Variants in ATP1A4 observed in about 807,000 individuals in gnomAD.
ATP1A4 encodes ATPase Na+/K+ transporting subunit alpha 4, also known as sodium/potassium-transporting ATPase subunit alpha-4.
Under a neutral mutation model 114.3 loss-of-function variants are expected in ATP1A4, and 90 were observed. The ratio of observed to expected loss-of-function variants is 0.79; its 90% CI spans 0.66 to 0.94. The LOEUF (loss-of-function observed/expected upper bound fraction) is 0.94, where lower values mean the gene tolerates loss of function less well. ATP1A4 is among the 40% of genes least tolerant of loss of function. ATP1A4 has a pLI of 0.00. For synonymous variants in ATP1A4, 511 were observed against 494.1 expected (o/e 1.03, Z -0.45); for missense variants, 1,222 against 1,313.6 (o/e 0.93, Z 1.08).
chr1:160,184,948 C>A lies in ATP1A4; in HGVS notation c.2970-1328C>A, dbSNP rs140532001. ...CCCACACTAAATGTCTCAGATAGAC[C>A]CCTCCTGCTCAGACAACCCCTCCCC... On this transcript the variant is annotated intron_variant, in intron 20 of 21. Coordinates refer to ENST00000368081, the MANE Select transcript of ATP1A4 (RefSeq NM_144699.4). Among the ~76,000 whole-genome samples the A allele has an allele frequency of 2.2e-3, 339 of 152,236 alleles. 2 individuals carry two copies. The highest frequency in any genetic ancestry group is 7.4e-3 in the African/African-American group (306 of 41,542).
Position 160,186,795 on chromosome 1 carries a change from G to A in ATP1A4, c.*96G>A, listed in dbSNP as rs1653910654. ...GTTTGACACAACATCTGAGACACTA[G>A]GATGAATTATCTTGGATGAGAAAGA... On this transcript the variant is annotated 3_prime_UTR_variant, in exon 22 of 22. Coordinates refer to ENST00000368081, the MANE Select transcript of ATP1A4 (RefSeq NM_144699.4). 14 of 1,327,450 alleles carry A rather than the reference G, an allele frequency of 1.1e-5. No homozygotes were observed. The East Asian group carries it at 3.2e-4, about 31-fold the overall frequency. 82.2% of individuals were successfully genotyped at this position (1,327,450 alleles called of 1,614,324 possible).
chr1:160,181,643 T>A, intron 18 of ATP1A4, 41 bp from the exon 19 acceptor site: 5 of 1,609,454 alleles, frequency 3.1e-6, no homozygotes, highest in Non-Finnish European at 4.2e-6. Flanking sequence ...GTGTACAGAA[T>A]CCCCTTCTGA....
rs531292296 is a variant in ATP1A4 at position 160,172,274 on chromosome 1, T to C, written c.1854+517T>C. ...AGGAATAGCAAAGTGCTAGAAGATGTCGTGTAAATGTGCTGCCGAGATGGG... is the reference window on the plus strand; with the variant it reads ...AGGAATAGCAAAGTGCTAGAAGATGCCGTGTAAATGTGCTGCCGAGATGGG... On this transcript the variant is annotated intron_variant, in intron 12 of 21. Coordinates refer to ENST00000368081, the MANE Select transcript of ATP1A4 (RefSeq NM_144699.4). Among the ~76,000 whole-genome samples, 6 of 152,226 alleles carry C rather than the reference T, an allele frequency of 3.9e-5. No individual in the cohort carries two copies. The East Asian group carries it at 1.2e-3, about 29-fold the overall frequency.
chr1:160,171,703 T>A lies in ATP1A4; in HGVS notation c.1800T>A (p.Pro600=). 6.2e-7 allele frequency: 1 copy of A among 1,614,142 alleles called. No homozygotes were observed. ...CFVGLISMID[P]PRAAVPDAVS... Reference sequence around the variant, plus strand: ...TGGGCCTCATATCCATGATTGACCCTCCCCGAGCTGCAGTGCCTGATGCTG... The same window carrying A: ...TGGGCCTCATATCCATGATTGACCCACCCCGAGCTGCAGTGCCTGATGCTG... The change falls in exon 12 of 22, where the codon CCT becomes CCA. Residue 600 remains proline, a synonymous_variant. Coordinates refer to ENST00000368081, the MANE Select transcript of ATP1A4 (RefSeq NM_144699.4).
At chr1:160,175,358 T>C (rs759356246) in intron 15 of ATP1A4, among the ~76,000 whole-genome samples, 3 of 152,122 alleles carry the variant, frequency 2.0e-5, no homozygotes, top group East Asian at 1.9e-4. Flanking sequence ...TACCATTTCA[T>C]TGAAACCTTG....
chr1:160,171,810 T>A, intron 12 of ATP1A4, 53 bp downstream of exon 12: 1 of 1,580,216 alleles, frequency 6.3e-7, no homozygotes, highest in South Asian at 1.1e-5. Flanking sequence ...TTGAAGCATC[T>A]ACTAGAAGGC....
intron 13 of ATP1A4, 131 bp downstream of exon 13, chr1:160,173,848 G>A: frequency 8.2e-7 from 1 of 1,220,210 alleles, no homozygotes; most frequent in Non-Finnish European, 1.1e-6. Context: ...ACACTACAAA[G>A]TAAAACATAA....
chr1:160,171,478 T>C (rs12058214), intron 11 of ATP1A4, 38 bp downstream of exon 11: 276,124 of 1,608,220 alleles, frequency 0.17, 25,469 homozygotes, highest in African/African-American at 0.36. Flanking sequence ...AAGAATGGCA[T>C]CAAAATGGTT....
rs1652657370 is a variant in ATP1A4, at chr1:160,156,241, T to C, written c.525+83T>C. 6.3e-6 allele frequency: 6 copies of C among 946,166 alleles called. No individual in the cohort carries two copies. In the Admixed American group the frequency reaches 9.1e-5, roughly 14 times the overall value. The allele number at this position is 946,166 out of a possible 1,614,324, so 58.6% of individuals were successfully genotyped here. ...AATGATGAAGTCCCGTGGAAAATTATATCCTATGATAAGTGAGCTGAGTGA... is the reference window on the plus strand; with the variant it reads ...AATGATGAAGTCCCGTGGAAAATTACATCCTATGATAAGTGAGCTGAGTGA... On this transcript the variant is annotated intron_variant, in intron 4 of 21. Coordinates refer to ENST00000368081, the MANE Select transcript of ATP1A4 (RefSeq NM_144699.4).
chr1:160,168,323 G>A (rs1653113941), intron 10 of ATP1A4, among the ~76,000 whole-genome samples: 1 of 151,174 alleles, frequency 6.6e-6, no homozygotes, highest in African/African-American at 2.4e-5. Flanking sequence ...ACATTCAGGT[G>A]TGGGTAAAAT....
Position 160,159,218 on chromosome 1 carries a change from T to C in ATP1A4, c.660+82T>C, listed in dbSNP as rs73025527. On this transcript the variant is annotated intron_variant, in intron 5 of 21. Transcript: ENST00000368081. ...GACACCTGGGCCGTTAGAGAAAGTA[T>C]AAGCTTATTACTCAGAATCTTGAGA... 11,158 of 1,527,890 alleles carry C rather than the reference T, an allele frequency of 7.3e-3. 668 individuals are homozygous for C. The African/African-American group carries it at 0.13, about 18-fold the overall frequency. The allele number at this position is 1,527,890 out of a possible 1,614,324, so 94.6% of individuals were successfully genotyped here. A position where few individuals can be genotyped will look rare whatever the true frequency, so the allele number is the denominator to read the frequency against.
chr1:160,167,176 T>C, intron 9 of ATP1A4, 99 bp downstream of exon 9: 1 of 1,562,596 alleles, frequency 6.4e-7, no homozygotes, highest in South Asian at 1.1e-5. Context: ...TCCCCCCAGG[T>C]ACCCGCCCTC....
intron 4 of ATP1A4, among the ~76,000 whole-genome samples, chr1:160,156,635 T>C (rs955156844): frequency 6.6e-6 from 1 of 152,016 alleles, no homozygotes; most frequent in African/African-American, 2.4e-5. Flanking sequence ...GAGTTTGAGA[T>C]GCTATCTCTA....
chr1:160,167,279 G>A lies in ATP1A4; in HGVS notation c.1358G>A (p.Arg453Lys). The part of the protein sequence containing the change: ...ANQEILPIAK[R>K]ATTGDASESA... ...ACTATACAAACCCCATCCTGGCAGA[G>A]GGCCACAACAGGTGATGCTTCCGAG... Residue 453 changes from arginine to lysine, a missense_variant and splice_region_variant, in exon 10 of 22, where the codon AGG (arginine) becomes AAG (lysine). By Grantham distance (26) the Arg-to-Lys change is conservative. Coordinates refer to ENST00000368081, the MANE Select transcript of ATP1A4 (RefSeq NM_144699.4). 6.2e-7 allele frequency: 1 copy of A among 1,602,214 alleles called. No homozygotes were observed.
At position 160,159,064 on chromosome 1, in the gene ATP1A4, A is replaced by G. The variant is rs1311446783; in HGVS notation, c.588A>G (p.Gly196=). The change falls in exon 5 of 22, where the codon GGA becomes GGG. Residue 196 remains glycine (G), a synonymous_variant. Transcript: ENST00000368081. ...MQINVQEVVL[G]DLVEIKGGDR... ...TTAATGTACAAGAGGTGGTGTTGGG[A>G]GACCTGGTGGAAATCAAGGGTGGAG... 3 of 1,614,150 alleles carry G rather than the reference A, an allele frequency of 1.9e-6. No homozygotes were observed. Among genetic ancestry groups the G allele is most frequent in the Middle Eastern group, 3.3e-4 (2 of 6,062 alleles).
chr1:160,166,736 G>A lies in ATP1A4; in HGVS notation c.1246+10G>A, dbSNP rs898397038. On this transcript the variant is annotated intron_variant, in intron 8 of 21. Coordinates refer to ENST00000368081, the MANE Select transcript of ATP1A4 (RefSeq NM_144699.4). Reference sequence around the variant, plus strand: ...ACTGAAGAACAGACTGGTGACTAGTGGTATTGGTGGAACAAGAGTGGAGGG... The same window carrying A: ...ACTGAAGAACAGACTGGTGACTAGTAGTATTGGTGGAACAAGAGTGGAGGG... The A allele has an allele frequency of 2.5e-6, 4 of 1,614,162 alleles. No individual in the cohort carries two copies. Among genetic ancestry groups the A allele is most frequent in the Non-Finnish European group, 2.5e-6 (3 of 1,180,014 alleles).
In ATP1A4 at chr1:160,156,176, G is replaced by A. The variant is rs761961512; in HGVS notation, c.525+18G>A. On this transcript the variant is annotated intron_variant, in intron 4 of 21. Transcript: ENST00000368081. Reference sequence around the variant, plus strand: ...TGCCTCAGGTAGGATTGGAGTGGGAGGATCTAGTGGGAGCAGGAGCAGGAT... The same window carrying A: ...TGCCTCAGGTAGGATTGGAGTGGGAAGATCTAGTGGGAGCAGGAGCAGGAT... 104 of 1,506,162 alleles carry A rather than the reference G, an allele frequency of 6.9e-5. No homozygotes were observed. The highest frequency in any genetic ancestry group is 9.2e-5 in the Non-Finnish European group (99 of 1,081,750). 93.3% of individuals were successfully genotyped at this position (1,506,162 alleles called of 1,614,324 possible). A position where few individuals can be genotyped will look rare whatever the true frequency, so the allele number is the denominator to read the frequency against.
intron 15 of ATP1A4, among the ~76,000 whole-genome samples, chr1:160,175,665 A>C (rs1653433766): frequency 6.6e-6 from 1 of 152,080 alleles, no homozygotes; most frequent in Non-Finnish European, 1.5e-5. Flanking sequence ...GCAATCTTGC[A>C]AGGCAGGAGG....
In ATP1A4 at chr1:160,174,824, G is replaced by A. The variant is rs140327507; in HGVS notation, c.2311+77G>A. 8.2e-3 allele frequency: 13,026 copies of A among 1,583,636 alleles called. 79 individuals are homozygous for A. Among genetic ancestry groups the A allele is most frequent in the Middle Eastern group, 0.013 (55 of 4,398 alleles). On this transcript the variant is annotated intron_variant, in intron 15 of 21. Transcript: ENST00000368081. ...GGGTTGGTGTACATCCCCTCTTTCC[G>A]TTTTCCCATCATCCAACCTCCATGA...
Sources: gnomAD v4.1 joint callset for allele counts (sites outside exome capture counted in the v4.1 genomes callset) on GRCh38, gnomAD v4.1.1 for gene constraint, MANE v1.5 for transcripts, NCBI Gene and HGNC (gene_info 2026-07-23, HGNC 2026-07-21) for gene names.